The following ZC3HC1 variants were observed in gnomAD, a reference collection of about 807,000 sequenced individuals.
ZC3HC1 encodes zinc finger C3HC-type protein 1.
Under a neutral mutation model 61.9 loss-of-function variants are expected in ZC3HC1, and 38 were observed. That is an observed-to-expected ratio of 0.61 (90% confidence interval 0.47 to 0.81). The LOEUF (loss-of-function observed/expected upper bound fraction) is 0.81, where lower values mean the gene tolerates loss of function less well. Among genes scored for constraint, ZC3HC1 ranks in the 30% least tolerant of loss-of-function variants. ZC3HC1 has a pLI of 0.00. For missense variants in ZC3HC1, 554 were observed against 622.7 expected (o/e 0.89, Z 1.17); for synonymous variants, 213 against 229.9 (o/e 0.93, Z 0.67).
chr7:130,027,562 C>T (rs1482342983), intron 5 of ZC3HC1, among the ~76,000 whole-genome samples: 1 of 152,116 alleles, frequency 6.6e-6, no homozygotes, highest in Non-Finnish European at 1.5e-5. Flanking sequence ...TCTTGTTGCC[C>T]AGGCTGGAGT....
intron 3 of ZC3HC1, 136 bp downstream of exon 3, chr7:130,040,815 A>G: frequency 9.6e-7 from 1 of 1,043,764 alleles, no homozygotes; most frequent in Non-Finnish European, 1.4e-6. Context: ...TCTCAAAAAA[A>G]AAAAAAAAGA....
intron 2 of ZC3HC1, among the ~76,000 whole-genome samples, chr7:130,041,524 CTT>C (rs71175069): frequency 3.9e-5 from 5 of 128,818 alleles, no homozygotes; most frequent in Non-Finnish European, 3.2e-5. Flanking sequence ...TTAACTCATT[CTT>C]TTTTTTTTTT....
Position 130,024,976 on chromosome 7 carries a change from G to C in ZC3HC1, c.777-470C>G, listed in dbSNP as rs1219976848. Among the ~76,000 whole-genome samples, 4 of 129,410 alleles carry C rather than the reference G, an allele frequency of 3.1e-5. No individual in the cohort carries two copies. In the East Asian group the frequency reaches 7.2e-4, roughly 23 times the overall value. The allele number at this position is 129,410 out of a possible 152,430, so 84.9% of individuals were successfully genotyped here. A position where few individuals can be genotyped will look rare whatever the true frequency, so the allele number is the denominator to read the frequency against. On this transcript the variant is annotated intron_variant, in intron 6 of 9. Coordinates refer to ENST00000358303, the MANE Select transcript of ZC3HC1 (RefSeq NM_016478.5). The stretch of plus-strand genomic sequence containing the variant: ...GCTGGAGTGCAATGGTGCGATCTCA[G>C]CTCACTGCAACCTCCGCCTCCCAGG...
chr7:130,028,180 A>C (rs1794009286), intron 5 of ZC3HC1, among the ~76,000 whole-genome samples: 1 of 141,384 alleles, frequency 7.1e-6, no homozygotes, highest in African/African-American at 2.7e-5. Flanking sequence ...AAAAAAAAAA[A>C]AAAAAAAAAA....
chr7:130,034,343 G>A (rs1794341765), intron 4 of ZC3HC1, among the ~76,000 whole-genome samples: 1 of 151,526 alleles, frequency 6.6e-6, no homozygotes, highest in Non-Finnish European at 1.5e-5. Context: ...AAATTAGCCG[G>A]GTGTGGTGGC....
chr7:130,022,941 G>A (rs1433622389), intron 8 of ZC3HC1: 4 of 228,660 alleles, frequency 1.7e-5, no homozygotes, highest in Admixed American at 1.6e-4. Flanking sequence ...GCACATGAGA[G>A]GGATCTAGAC....
At position 130,023,046 on chromosome 7, in the gene ZC3HC1, A is replaced by G. The variant is rs1997082; in HGVS notation, c.1233+465T>C. 167,752 of 169,752 alleles carry G rather than the reference A, an allele frequency of 0.99. 82,920 individuals are homozygous for G. Among genetic ancestry groups the G allele is most frequent in the Middle Eastern group, 1 (330 of 330 alleles). 10.5% of individuals were successfully genotyped at this position (169,752 alleles called of 1,614,324 possible). On this transcript the variant is annotated intron_variant, in intron 8 of 9. Transcript: ENST00000358303. The surrounding 1 kb of genome is among the most constrained non-coding windows in gnomAD (Gnocchi z 4.2). The stretch of plus-strand genomic sequence containing the variant: ...ATCTAGTTGCAGGAAAACAAGCTGC[A>G]GGTTCCCACTGACTCTATATTATGG...
chr7:130,032,114 C>T (rs1206137223), intron 4 of ZC3HC1, among the ~76,000 whole-genome samples: 1 of 151,810 alleles, frequency 6.6e-6, no homozygotes, highest in African/African-American at 2.4e-5. Flanking sequence ...ATCCTAGCTA[C>T]TCGGGAGGCT....
At chr7:130,051,179 C>G in intron 1 of ZC3HC1, 42 bp downstream of exon 1, 1 of 1,566,622 alleles carries the variant, frequency 6.4e-7, no homozygotes, top group South Asian at 1.2e-5. Context: ...AAGCCTTCTT[C>G]AATCTTCCAA....
At chr7:130,045,680 T>TC (rs1174281803) in intron 2 of ZC3HC1, among the ~76,000 whole-genome samples, 1 of 152,020 alleles carries the variant, frequency 6.6e-6, no homozygotes, top group African/African-American at 2.4e-5. Context: ...GGTGGGTGGA[T>TC]CACCTGATTT....
upstream of ZC3HC1, chr7:130,051,445 T>G: frequency 1.9e-6 from 3 of 1,592,934 alleles, no homozygotes; most frequent in East Asian, 2.2e-5. Flanking sequence ...TATCCGCCTC[T>G]TGAGGCAGCC....
In ZC3HC1 at chr7:130,049,082, A is replaced by C; in HGVS notation, c.209T>G (p.Leu70Trp). Residue 70 changes from leucine to tryptophan, a missense_variant, in exon 2 of 10, where the codon TTG (leucine) becomes TGG (tryptophan). By Grantham distance (61) the Leu-to-Trp change is moderately conservative. Transcript: ENST00000358303. ...GAAGGCTTCTTTGCTTGTAGATTCCAATGAAGGTTGTTCCGCTTGGGGTGA... is the reference window on the plus strand; with the variant it reads ...GAAGGCTTCTTTGCTTGTAGATTCCCATGAAGGTTGTTCCGCTTGGGGTGA... Reference protein sequence around the residue: ...NGSPQAEQPSLESTSKEAFFS... With the variant: ...NGSPQAEQPSWESTSKEAFFS... The C allele has an allele frequency of 6.2e-7, 1 of 1,610,448 alleles. No individual in the cohort carries two copies. The highest frequency in any genetic ancestry group is 8.5e-7 in the Non-Finnish European group (1 of 1,178,474).
intron 5 of ZC3HC1, 136 bp from the exon 6 acceptor site, chr7:130,026,448 A>T: frequency 1.1e-6 from 1 of 871,440 alleles, no homozygotes; most frequent in Non-Finnish European, 1.7e-6. Context: ...CTTCACAGAG[A>T]ACAAAATACT....
rs1278097967 is a variant in ZC3HC1 at position 130,019,920 on chromosome 7, G to A, written c.1441-1188C>T. ...AACCTCTTGACTCCCTGGTTCAAGC[G>A]ATTCTCCTGCCTCAGCCTCCTGAGT... is the stretch of plus-strand genomic sequence containing the variant. On this transcript the variant is annotated intron_variant, in intron 9 of 9. Coordinates refer to ENST00000358303, the MANE Select transcript of ZC3HC1 (RefSeq NM_016478.5). Among the ~76,000 whole-genome samples, 4 of 148,334 alleles carry A rather than the reference G, an allele frequency of 2.7e-5. No individual in the cohort carries two copies. The East Asian group carries it at 6.0e-4, about 22-fold the overall frequency.
At chr7:130,032,340 T>C (rs554750067) in intron 4 of ZC3HC1, among the ~76,000 whole-genome samples, 5 of 151,940 alleles carry the variant, frequency 3.3e-5, no homozygotes, top group East Asian at 1.9e-4. Flanking sequence ...CCTACACAGA[T>C]TGAGACAAGA....
At position 130,018,313 on chromosome 7, in the gene ZC3HC1, T is replaced by A. The variant is rs1380669656; in HGVS notation, c.*351A>T. On this transcript the variant is annotated 3_prime_UTR_variant, in exon 10 of 10. Transcript: ENST00000358303. ...AGAATCTTAGCAAATATTTTATTAATACACACTGTCATAGTCCTAGGATAG... is the reference window on the plus strand; with the variant it reads ...AGAATCTTAGCAAATATTTTATTAAAACACACTGTCATAGTCCTAGGATAG... The A allele has an allele frequency of 5.1e-6, 1 of 196,176 alleles. No homozygotes were observed. Among genetic ancestry groups the A allele is most frequent in the African/African-American group, 2.3e-5 (1 of 43,270 alleles). 12.2% of individuals were successfully genotyped at this position (196,176 alleles called of 1,614,324 possible).
At chr7:130,025,382 C>T (rs1313107013) in intron 6 of ZC3HC1, among the ~76,000 whole-genome samples, 1 of 151,366 alleles carries the variant, frequency 6.6e-6, no homozygotes, top group Non-Finnish European at 1.5e-5. Context: ...CCAAATTGAG[C>T]AGCTGGAATG....
In ZC3HC1 at chr7:130,022,458, A is replaced by G. The variant is rs747462155; in HGVS notation, c.1301T>C (p.Ile434Thr). The G allele has an allele frequency of 6.2e-7, 1 of 1,612,174 alleles. No homozygotes were observed. Among genetic ancestry groups the G allele is most frequent in the Admixed American group, 1.7e-5 (1 of 59,738 alleles). ...CTCCCTGCTTTCTTTGCCAAGTGTG[A>G]TATTCACCCAAGGGCACCAGTCTCT... ...QHRDWCPWVN[I>T]TLGKESRENG... Residue 434 changes from isoleucine to threonine, a missense_variant, in exon 9 of 10, where the codon ATC (isoleucine) becomes ACC (threonine). Ile to Thr is a moderately conservative substitution (Grantham distance 89). Coordinates refer to ENST00000358303, the MANE Select transcript of ZC3HC1 (RefSeq NM_016478.5).
chr7:130,039,686 ATAT>A (rs2116741854), intron 3 of ZC3HC1, 139 bp from the exon 4 acceptor site: 1 of 580,124 alleles, frequency 1.7e-6, no homozygotes, highest in South Asian at 3.4e-5. Flanking sequence ...CATAATCTTA[ATAT>A]TTTTCACAAA....
Sources: allele counts gnomAD v4.1 joint callset (sites outside exome capture counted in the v4.1 genomes callset), GRCh38; gene constraint gnomAD v4.1.1; non-coding constraint Gnocchi (gnomAD v3.1); transcripts MANE v1.5; gene names NCBI Gene and HGNC (gene_info 2026-07-23, HGNC 2026-07-21).